The following AFG2A variants were observed in gnomAD, a reference collection of about 807,000 sequenced individuals.
The protein encoded by AFG2A is AAA ATPase AFG2A.
chr4:123,119,402 A>C, the AFG2A span, among the ~76,000 whole-genome samples: 3 of 152,176 alleles, frequency 2.0e-5, no homozygotes, highest in Admixed American at 1.3e-4. Flanking sequence ...GAGGGTGCGC[A>C]TAGCAGAGGG....
chr4:123,071,383 G>A, the AFG2A span, among the ~76,000 whole-genome samples: 4 of 152,068 alleles, frequency 2.6e-5, no homozygotes, highest in African/African-American at 9.7e-5. Flanking sequence ...GGGAGGCTGA[G>A]GCAGGAGAAT....
chr4:123,263,643 A>G, the AFG2A span, among the ~76,000 whole-genome samples: 160 of 152,342 alleles, frequency 1.1e-3, no homozygotes, highest in Middle Eastern at 6.8e-3. Flanking sequence ...GAAAATGCAA[A>G]TCAAAACCAC....
the AFG2A span, among the ~76,000 whole-genome samples, chr4:123,283,620 T>A: frequency 6.6e-6 from 1 of 152,172 alleles, no homozygotes; most frequent in Non-Finnish European, 1.5e-5. Flanking sequence ...CACAAACTGT[T>A]TTTGTGAAGC....
the AFG2A span, among the ~76,000 whole-genome samples, chr4:123,032,763 C>T: frequency 7.2e-5 from 11 of 152,210 alleles, no homozygotes; most frequent in Non-Finnish European, 1.6e-4. Flanking sequence ...AGTACTCCCT[C>T]ATGATGCCTG....
At chr4:123,022,246 A>G in the AFG2A span, among the ~76,000 whole-genome samples, 3 of 151,900 alleles carry the variant, frequency 2.0e-5, no homozygotes, top group East Asian at 5.8e-4. Context: ...CAGAGTGAAC[A>G]GGCAACCTAC....
the AFG2A span, among the ~76,000 whole-genome samples, chr4:123,212,600 G>A: frequency 6.6e-5 from 10 of 152,184 alleles, no homozygotes; most frequent in South Asian, 2.1e-3. Context: ...TTTAAAATAT[G>A]AATTGTGAGT....
chr4:123,153,800 CAAAT>C, the AFG2A span, among the ~76,000 whole-genome samples: 4 of 151,668 alleles, frequency 2.6e-5, no homozygotes, highest in African/African-American at 9.7e-5. Flanking sequence ...TAAAAGCAGT[CAAAT>C]GGAAAAAGAA....
At chr4:122,975,011 T>C in the AFG2A span, among the ~76,000 whole-genome samples, 1 of 152,232 alleles carries the variant, frequency 6.6e-6, no homozygotes, top group African/African-American at 2.4e-5. Flanking sequence ...TTTTAATGCT[T>C]CTGCTCCATT....
At chr4:123,190,756 A>G in the AFG2A span, among the ~76,000 whole-genome samples, 1 of 152,160 alleles carries the variant, frequency 6.6e-6, no homozygotes, top group African/African-American at 2.4e-5. Flanking sequence ...CATTATTCAT[A>G]TTTTTTAACA....
chr4:123,006,194 C>T, the AFG2A span, among the ~76,000 whole-genome samples: 601 of 151,862 alleles, frequency 4.0e-3, 2 homozygotes, highest in African/African-American at 0.013. Flanking sequence ...ACATTCCTCC[C>T]TCCTTGTGTT....
the AFG2A span, among the ~76,000 whole-genome samples, chr4:123,202,679 G>A: frequency 6.6e-6 from 1 of 152,106 alleles, no homozygotes; most frequent in Non-Finnish European, 1.5e-5. Flanking sequence ...TTCTGTGTGT[G>A]CAATGCAATT....
the AFG2A span, among the ~76,000 whole-genome samples, chr4:122,996,405 A>G: frequency 2.0e-5 from 3 of 152,310 alleles, no homozygotes; most frequent in African/African-American, 7.2e-5. Flanking sequence ...GAAGCAGTTT[A>G]TGGTAGTTCC....
the AFG2A span, among the ~76,000 whole-genome samples, chr4:123,139,838 C>T: frequency 6.6e-6 from 1 of 152,004 alleles, no homozygotes; most frequent in African/African-American, 2.4e-5. Flanking sequence ...CATTCAAGTT[C>T]TACATTCTAT....
chr4:123,040,366 A>T, the AFG2A span, among the ~76,000 whole-genome samples: 1 of 152,204 alleles, frequency 6.6e-6, no homozygotes, highest in Non-Finnish European at 1.5e-5. Flanking sequence ...CAGAGGTCAT[A>T]GTCTTTAGAC....
chr4:123,049,637 T>G, the AFG2A span, among the ~76,000 whole-genome samples: 5 of 152,088 alleles, frequency 3.3e-5, no homozygotes, highest in African/African-American at 1.2e-4. Context: ...TCATAATAGT[T>G]TCTAATGATC....
At chr4:123,123,821 G>A in the AFG2A span, among the ~76,000 whole-genome samples, 206 of 151,208 alleles carry the variant, frequency 1.4e-3, 3 homozygotes, top group East Asian at 0.015. Context: ...GCATGGTGGC[G>A]CGCGCCTGTA....
the AFG2A span, among the ~76,000 whole-genome samples, chr4:123,044,724 C>A: frequency 6.6e-6 from 1 of 151,952 alleles, no homozygotes; most frequent in Non-Finnish European, 1.5e-5. Flanking sequence ...TATATTAAAC[C>A]TCTTAATATT....
At chr4:123,130,296 C>T in the AFG2A span, among the ~76,000 whole-genome samples, 5 of 152,174 alleles carry the variant, frequency 3.3e-5, no homozygotes, top group African/African-American at 9.6e-5. Context: ...AGATGACAGG[C>T]GTGAGACACG....
chr4:123,251,632 A>G, the AFG2A span, among the ~76,000 whole-genome samples: 1 of 152,100 alleles, frequency 6.6e-6, no homozygotes, highest in Admixed American at 6.6e-5. Flanking sequence ...TGCTATATAA[A>G]TATTAATGTT....
Sources: allele counts gnomAD v4.1 joint callset (sites outside exome capture counted in the v4.1 genomes callset), GRCh38; gene constraint gnomAD v4.1.1; transcripts MANE v1.5; gene names NCBI Gene and HGNC (gene_info 2026-07-23, HGNC 2026-07-21).